Variants in SCHIP1 observed in about 807,000 individuals in gnomAD.
SCHIP1 encodes schwannomin interacting protein 1.
Under a neutral mutation model 29.7 loss-of-function variants are expected in SCHIP1, and 8 were observed. The observed-to-expected ratio is 0.27, with a 90% CI of 0.16 to 0.49. The LOEUF (loss-of-function observed/expected upper bound fraction) is 0.49. SCHIP1 is among the 20% of genes least tolerant of loss of function. SCHIP1 has a pLI of 0.99. For synonymous variants in SCHIP1, 76 were observed against 94.9 expected, an observed-to-expected ratio of 0.80 and a Z score of 1.16; for missense variants, 193 against 294.6, an observed-to-expected ratio of 0.66 and a Z score of 2.52.
chr3:159,886,445 G>A (rs763395517), intron 3 of SCHIP1, 121 bp downstream of exon 4: 20 of 808,792 alleles, frequency 2.5e-5, no homozygotes, highest in South Asian at 4.0e-5. Flanking sequence ...AAAGTTTCTT[G>A]GAATTGCATG....
the SCHIP1 span, among the ~76,000 whole-genome samples, chr3:159,439,407 C>A: frequency 2.6e-4 from 39 of 152,166 alleles, no homozygotes; most frequent in East Asian, 7.3e-3. Flanking sequence ...GGGTGGAAGA[C>A]CGCCTTATAA....
chr3:159,550,292 GTTTA>G, the SCHIP1 span, among the ~76,000 whole-genome samples: 216 of 151,982 alleles, frequency 1.4e-3, no homozygotes, highest in South Asian at 0.024. Context: ...TTTTTTGACT[GTTTA>G]TTCTATTATT....
chr3:159,567,644 A>C, the SCHIP1 span, among the ~76,000 whole-genome samples: 1 of 152,112 alleles, frequency 6.6e-6, no homozygotes, highest in South Asian at 2.1e-4. Context: ...TTTCTCTACA[A>C]TAGTACTACA....
At chr3:159,509,611 G>T in the SCHIP1 span, among the ~76,000 whole-genome samples, 1 of 152,178 alleles carries the variant, frequency 6.6e-6, no homozygotes. Flanking sequence ...GGTACTGGTT[G>T]TTCCTTTCCA....
At chr3:159,491,345 C>T in the SCHIP1 span, among the ~76,000 whole-genome samples, 2 of 152,344 alleles carry the variant, frequency 1.3e-5, no homozygotes, top group Non-Finnish European at 2.9e-5. Context: ...CAGGGAATTC[C>T]CTTTCCTAGT....
At chr3:159,545,727 T>A in the SCHIP1 span, among the ~76,000 whole-genome samples, 3 of 142,022 alleles carry the variant, frequency 2.1e-5, no homozygotes, top group African/African-American at 8.5e-5. Context: ...TATTATATAT[T>A]ATATATATAT....
At chr3:159,896,051 G>A (rs544334922) in intron 6 of SCHIP1, among the ~76,000 whole-genome samples, 1 of 152,298 alleles carries the variant, frequency 6.6e-6, no homozygotes, top group Non-Finnish European at 1.5e-5. Context: ...CCAAGACCAT[G>A]CCCTTAGGAT....
chr3:159,307,010 C>A, the SCHIP1 span, among the ~76,000 whole-genome samples: 3 of 152,156 alleles, frequency 2.0e-5, no homozygotes, highest in African/African-American at 7.2e-5. Context: ...AGAGAAAAAA[C>A]AGATTATGCA....
the SCHIP1 span, among the ~76,000 whole-genome samples, chr3:159,420,148 T>C: frequency 1.3e-5 from 2 of 152,312 alleles, no homozygotes; most frequent in South Asian, 4.1e-4. Flanking sequence ...TGTAATTAAC[T>C]CTGTGAAGCA....
At chr3:159,696,112 T>C in the SCHIP1 span, among the ~76,000 whole-genome samples, 1 of 152,194 alleles carries the variant, frequency 6.6e-6, no homozygotes, top group Non-Finnish European at 1.5e-5. Flanking sequence ...CATATGTCAC[T>C]TCGTGTTCTG....
rs187832210 is a variant in SCHIP1, at chr3:159,843,357, G to A, written c.30+3143G>A. On this transcript the variant is annotated intron_variant, in intron 1 of 6. Coordinates refer to ENST00000445224, the Ensembl canonical transcript of SCHIP1. ...TAATTTATTTTTATATTTATTTATCGCCATTTATCATAGTACATATTTTAC... is the reference window on the plus strand; with the variant it reads ...TAATTTATTTTTATATTTATTTATCACCATTTATCATAGTACATATTTTAC... 4.7e-3 allele frequency among the ~76,000 whole-genome samples: 717 copies of A among 151,624 alleles called. 7 individuals are homozygous for A. Among genetic ancestry groups the A allele is most frequent in the South Asian group, 8.8e-3 (42 of 4,762 alleles).
the SCHIP1 span, among the ~76,000 whole-genome samples, chr3:159,713,530 T>C: frequency 3.3e-5 from 5 of 152,370 alleles, no homozygotes; most frequent in African/African-American, 1.2e-4. Context: ...AATACATAAA[T>C]GCATATAGTA....
At chr3:159,689,030 G>A in the SCHIP1 span, among the ~76,000 whole-genome samples, 25 of 152,282 alleles carry the variant, frequency 1.6e-4, no homozygotes, top group Non-Finnish European at 2.6e-4. Context: ...GGCAGGTAAC[G>A]TCATGCCTCC....
At chr3:159,892,307 T>TAGGTG in intron 6 of SCHIP1, 117 bp downstream of exon 7, 3 of 1,172,018 alleles carry the variant, frequency 2.6e-6, no homozygotes, top group Non-Finnish European at 3.7e-6. Context: ...ATAACTCACC[T>TAGGTG]AGCCTTTTCT....
chr3:159,700,549 G>A, the SCHIP1 span, among the ~76,000 whole-genome samples: 6 of 152,184 alleles, frequency 3.9e-5, no homozygotes, highest in African/African-American at 7.2e-5. Context: ...GCTGGGCATG[G>A]TGGCTCGTGC....
chr3:159,828,394 TAC>T, the SCHIP1 span, among the ~76,000 whole-genome samples: 3 of 58,428 alleles, frequency 5.1e-5, no homozygotes, highest in Non-Finnish European at 7.2e-5. Context: ...TATACATATA[TAC>T]GTATATATAT....
At chr3:159,345,421 T>G in the SCHIP1 span, among the ~76,000 whole-genome samples, 1 of 152,156 alleles carries the variant, frequency 6.6e-6, no homozygotes, top group Non-Finnish European at 1.5e-5. Context: ...TCATTAATAT[T>G]TGACCTTTAA....
the SCHIP1 span, among the ~76,000 whole-genome samples, chr3:159,809,549 A>G: frequency 1.3e-5 from 2 of 151,906 alleles, no homozygotes; most frequent in Non-Finnish European, 2.9e-5. Context: ...TCCTTGAGGA[A>G]TTGCCACACT....
chr3:159,596,102 G>GA, the SCHIP1 span, among the ~76,000 whole-genome samples: 2 of 152,188 alleles, frequency 1.3e-5, no homozygotes, highest in South Asian at 2.1e-4. Context: ...AAATTTACAA[G>GA]AAAAAATCAA....
Sources: gnomAD v4.1 joint callset for allele counts (sites outside exome capture counted in the v4.1 genomes callset) on GRCh38, gnomAD v4.1.1 for gene constraint, MANE v1.5 for transcripts, NCBI Gene and HGNC (gene_info 2026-07-23, HGNC 2026-07-21) for gene names.